Variants in PHACTR2 observed in about 807,000 individuals in gnomAD.
PHACTR2 encodes chromosome 6 open reading frame 56.
A neutral mutation model predicts 76.0 loss-of-function variants in PHACTR2; 30 were observed. The observed-to-expected ratio is 0.39, with a 90% confidence interval of 0.30 to 0.54. The LOEUF (loss-of-function observed/expected upper bound fraction) is 0.54. PHACTR2 is among the 20% of genes least tolerant of loss of function. The pLI is 0.61. For synonymous variants in PHACTR2, 292 were observed against 292.5 expected (o/e 1.00, Z 0.02); for missense variants, 696 against 781.1 (o/e 0.89, Z 1.30).
intron 10 of PHACTR2, among the ~76,000 whole-genome samples, chr6:143,785,849 G>A (rs1775545006): frequency 6.6e-6 from 1 of 152,196 alleles, no homozygotes; most frequent in African/African-American, 2.4e-5. Context: ...GGGGCACAGG[G>A]CACCAAGTCC....
chr6:143,728,200 CT>C (rs769598990), intron 2 of PHACTR2, among the ~76,000 whole-genome samples: 13,335 of 130,440 alleles, frequency 0.1, 1,021 homozygotes, highest in African/African-American at 0.21. Context: ...TCTTTCTTTC[CT>C]TTTTTTTTTT....
intron 12 of PHACTR2, among the ~76,000 whole-genome samples, chr6:143,815,581 T>C (rs1374454919): frequency 1.3e-5 from 2 of 152,116 alleles, no homozygotes; most frequent in Non-Finnish European, 2.9e-5. Flanking sequence ...AATTATATAT[T>C]TTATGTTATG....
intron 5 of PHACTR2, among the ~76,000 whole-genome samples, chr6:143,762,415 A>C (rs563422758): frequency 6.6e-6 from 1 of 152,246 alleles, no homozygotes; most frequent in Non-Finnish European, 1.5e-5. Context: ...CTAAGAGAAT[A>C]GTACAGTCAT....
Position 143,610,138 on chromosome 6 carries a change from T to G in PHACTR2, c.13+1816T>G, listed in dbSNP as rs890456510. Among the ~76,000 whole-genome samples, 2 of 152,222 alleles carry G rather than the reference T, an allele frequency of 1.3e-5. No individual in the cohort carries two copies. Among genetic ancestry groups the G allele is most frequent in the Non-Finnish European group, 2.9e-5 (2 of 68,042 alleles). On this transcript the variant is annotated intron_variant, in intron 1 of 11. Coordinates refer to the PHACTR2 transcript ENST00000305766. The surrounding 1 kb of genome is among the most constrained non-coding windows in gnomAD (Gnocchi z 4.9). ...TTTCTTATAATGGCTTATAATTGGC[T>G]GTCAGTGATCACTTTTCATGGTAAT... is the stretch of plus-strand genomic sequence containing the variant.
chr6:143,796,392 TTTCTTTC>T (rs1220051405), intron 11 of PHACTR2, among the ~76,000 whole-genome samples: 2 of 141,068 alleles, frequency 1.4e-5, no homozygotes, highest in Non-Finnish European at 3.0e-5. Flanking sequence ...TCTTTCTTTC[TTTCTTTC>T]TTTCTTTCTT....
rs906301618 is a variant in PHACTR2, at chr6:143,772,695, T to G, written c.1432+238T>G. Reference sequence around the variant, plus strand: ...TTGTCGATGAGCTAGATGAGCTAGATGTGCTAGATGTGCATATTAGTATTT... The same window carrying G: ...TTGTCGATGAGCTAGATGAGCTAGAGGTGCTAGATGTGCATATTAGTATTT... On this transcript the variant is annotated intron_variant, in intron 7 of 12. Coordinates refer to ENST00000440869, the MANE Select transcript of PHACTR2 (RefSeq NM_001100164.2). This position sits in a 1 kb window ranked among gnomAD's most constrained non-coding sequence, Gnocchi z 5.4. Among the ~76,000 whole-genome samples the G allele has an allele frequency of 6.6e-6, 1 of 152,158 alleles. No individual in the cohort carries two copies. Among genetic ancestry groups the G allele is most frequent in the African/African-American group, 2.4e-5 (1 of 41,454 alleles).
In PHACTR2 at chr6:143,561,383, CTGAA is replaced by C. The variant is rs1458168674; in HGVS notation, c.217+24179_217+24182del. On this transcript the variant is annotated intron_variant, in intron 1 of 11. Coordinates refer to the PHACTR2 transcript ENST00000367584. The surrounding 1 kb of genome is among the most constrained non-coding windows in gnomAD (Gnocchi z 4.1). ...TGCTCAATGTTTGTTGAATGAATAACTGAATGTGAGAAGTTGTTGGAGAAGAACG... is the reference window on the plus strand; with the variant it reads ...TGCTCAATGTTTGTTGAATGAATAACTGTGAGAAGTTGTTGGAGAAGAACG... 6.6e-6 allele frequency: 1 copy of C among 152,284 alleles called. No individual in the cohort carries two copies. Among genetic ancestry groups the C allele is most frequent in the African/African-American group, 2.4e-5 (1 of 41,456 alleles). 9.4% of individuals were successfully genotyped at this position (152,284 alleles called of 1,614,324 possible). A position where few individuals can be genotyped will look rare whatever the true frequency, so the allele number is the denominator to read the frequency against.
At chr6:143,692,299 A>G (rs1777663049) in intron 1 of PHACTR2, among the ~76,000 whole-genome samples, 1 of 152,194 alleles carries the variant, frequency 6.6e-6, no homozygotes, top group Non-Finnish European at 1.5e-5. Flanking sequence ...CTGCATCTGT[A>G]AAGTTAGCTT....
chr6:143,745,787 A>G (rs1779047841), intron 2 of PHACTR2, among the ~76,000 whole-genome samples: 1 of 152,232 alleles, frequency 6.6e-6, no homozygotes, highest in Admixed American at 6.5e-5. Context: ...TCAGCGAAAG[A>G]CCAAACAAAT....
upstream of PHACTR2, among the ~76,000 whole-genome samples, chr6:143,603,865 G>A (rs540204076): frequency 7.0e-4 from 107 of 152,212 alleles, no homozygotes; most frequent in South Asian, 8.5e-3. Context: ...TTGAGAGACC[G>A]AGGTGGGTGG....
intron 2 of PHACTR2, among the ~76,000 whole-genome samples, chr6:143,714,353 A>G (rs1248146515): frequency 6.6e-6 from 1 of 152,224 alleles, no homozygotes; most frequent in Non-Finnish European, 1.5e-5. Flanking sequence ...AGCGATAAAT[A>G]CCACTTTTCC....
intron 3 of PHACTR2, among the ~76,000 whole-genome samples, chr6:143,752,957 T>C (rs981575851): frequency 1.3e-5 from 2 of 152,156 alleles, no homozygotes; most frequent in Non-Finnish European, 1.5e-5. Context: ...CCAGGAATTA[T>C]GGAAATACAG....
At chr6:143,817,702 C>T (rs144141312) in intron 12 of PHACTR2, among the ~76,000 whole-genome samples, 4 of 152,256 alleles carry the variant, frequency 2.6e-5, no homozygotes, top group East Asian at 3.9e-4. Context: ...TCATTTACAC[C>T]AGCATGGATG....
chr6:143,576,654 A>G (rs185564063), intron 1 of PHACTR2, among the ~76,000 whole-genome samples: 1 of 152,226 alleles, frequency 6.6e-6, no homozygotes, highest in African/African-American at 2.4e-5. Context: ...AGGTGGGTGG[A>G]TCACTTGAGG....
chr6:143,545,527 C>T (rs1417306969), intron 1 of PHACTR2, among the ~76,000 whole-genome samples: 4 of 152,178 alleles, frequency 2.6e-5, no homozygotes, highest in African/African-American at 9.7e-5. Flanking sequence ...CATGATCACA[C>T]TCTATAGCAA....
chr6:143,758,525 A>G (rs954185891), intron 4 of PHACTR2, among the ~76,000 whole-genome samples: 5 of 152,250 alleles, frequency 3.3e-5, no homozygotes, highest in African/African-American at 9.6e-5. Flanking sequence ...ATCATTCTCA[A>G]ACCTAACTGA....
At position 143,641,543 on chromosome 6, in the gene PHACTR2, G is replaced by A. The variant is rs1309402831; in HGVS notation, c.13+33221G>A. Among the ~76,000 whole-genome samples, 1 of 152,144 alleles carries A rather than the reference G, an allele frequency of 6.6e-6. No individual in the cohort carries two copies. Among genetic ancestry groups the A allele is most frequent in the Non-Finnish European group, 1.5e-5 (1 of 68,022 alleles). On this transcript the variant is annotated intron_variant, in intron 1 of 11. Coordinates refer to the PHACTR2 transcript ENST00000305766. The surrounding 1 kb of genome is among the most constrained non-coding windows in gnomAD (Gnocchi z 5.8). ...GTTTTTGAGACAGAGTTTCGCTCTT[G>A]TTACCCAGGCTGGAGTACAATGGCA...
rs943895380 is a variant in PHACTR2 at position 143,639,732 on chromosome 6, A to G, written c.13+31410A>G. ...CAAGAACTCTGCACACAACAAGTAG[A>G]TATTCATTCCTCTTAGGCAAATATG... is the stretch of plus-strand genomic sequence containing the variant. On this transcript the variant is annotated intron_variant, in intron 1 of 11. Coordinates refer to the PHACTR2 transcript ENST00000305766. The surrounding 1 kb of genome is among the most constrained non-coding windows in gnomAD (Gnocchi z 5.0). Among the ~76,000 whole-genome samples the G allele has an allele frequency of 2.6e-5, 4 of 152,336 alleles. No homozygotes were observed. Among genetic ancestry groups the G allele is most frequent in the Admixed American group, 2.0e-4 (3 of 15,300 alleles).
rs1221103135 is a variant in PHACTR2, at chr6:143,829,053, T to G, written c.*5364T>G. 1.3e-5 allele frequency: 2 copies of G among 152,200 alleles called. No homozygotes were observed. Among genetic ancestry groups the G allele is most frequent in the Non-Finnish European group, 2.9e-5 (2 of 68,048 alleles). 9.4% of individuals were successfully genotyped at this position (152,200 alleles called of 1,614,324 possible). ...TTCATTTTTCGAGCCTTTCTCTCAG[T>G]GCAGCTGTTCTTCAGGGAGGAGGTT... On this transcript the variant is annotated 3_prime_UTR_variant, in exon 13 of 13. Transcript: ENST00000440869.
Sources: gnomAD v4.1 joint callset for allele counts (sites outside exome capture counted in the v4.1 genomes callset) on GRCh38, gnomAD v4.1.1 for gene constraint, Gnocchi (gnomAD v3.1) non-coding constraint, MANE v1.5 for transcripts, NCBI Gene and HGNC (gene_info 2026-07-23, HGNC 2026-07-21) for gene names.